PDE1A: variants seen among roughly 807,000 people sequenced by gnomAD.
The protein encoded by PDE1A is dual specificity calcium/calmodulin-dependent 3',5'-cyclic nucleotide phosphodiesterase 1A.
A neutral mutation model predicts 61.7 loss-of-function variants in PDE1A; 35 were observed. The ratio of observed to expected loss-of-function variants is 0.57; its 90% CI spans 0.43 to 0.75. PDE1A has a LOEUF of 0.75. PDE1A is among the 30% of genes least tolerant of loss of function. The pLI is 0.00. For synonymous variants in PDE1A, 232 were observed against 213.2 expected (o/e 1.09, Z -0.77); for missense variants, 597 against 630.6 (o/e 0.95, Z 0.57).
intron 2 of PDE1A, among the ~76,000 whole-genome samples, chr2:182,473,377 CAT>C (rs1687155722): frequency 6.6e-6 from 1 of 151,922 alleles, no homozygotes; most frequent in South Asian, 2.1e-4. Context: ...GCAACCCACT[CAT>C]CTGACAAAGG....
chr2:182,227,519 G>A (rs889607708), intron 6 of PDE1A, among the ~76,000 whole-genome samples: 3 of 152,034 alleles, frequency 2.0e-5, no homozygotes, highest in African/African-American at 7.2e-5. Flanking sequence ...GAAGTTTGCT[G>A]TAAGTTACCA....
rs1701608730 is a variant in PDE1A, at chr2:182,394,749, T to A, written c.53+31829A>T. On this transcript the variant is annotated intron_variant, in intron 1 of 13. Transcript: ENST00000351439. ...CCAGAGCCAGAATGCATAATTGGCATAGACATACTTAGCTGCTGGCTAAAT... is the reference window on the plus strand; with the variant it reads ...CCAGAGCCAGAATGCATAATTGGCAAAGACATACTTAGCTGCTGGCTAAAT... 1.3e-5 allele frequency among the ~76,000 whole-genome samples: 2 copies of A among 152,240 alleles called. 1 individual carries two copies. Among genetic ancestry groups the A allele is most frequent in the South Asian group, 4.1e-4 (2 of 4,830 alleles).
intron 13 of PDE1A, among the ~76,000 whole-genome samples, chr2:182,173,701 C>CTG (rs1357505530): frequency 4.9e-5 from 3 of 61,794 alleles, no homozygotes; most frequent in African/African-American, 2.0e-4. Context: ...CTTTGTTTTC[C>CTG]TCTGATTATT....
At chr2:182,248,023 A>G (rs1691109504) in intron 2 of PDE1A, among the ~76,000 whole-genome samples, 1 of 152,176 alleles carries the variant, frequency 6.6e-6, no homozygotes, top group African/African-American at 2.4e-5. Context: ...GATGACTGGT[A>G]CATTTTCCTT....
intron 2 of PDE1A, among the ~76,000 whole-genome samples, chr2:182,486,185 AAAT>A (rs1338761849): frequency 3.3e-5 from 5 of 152,080 alleles, no homozygotes; most frequent in Admixed American, 6.6e-5. Flanking sequence ...TCAAAAATGA[AAAT>A]AAGAAATTCT....
chr2:182,178,802 AAG>A (rs1684504791), intron 13 of PDE1A, among the ~76,000 whole-genome samples: 1 of 152,086 alleles, frequency 6.6e-6, no homozygotes, highest in Non-Finnish European at 1.5e-5. Flanking sequence ...AGGAGAAGAA[AAG>A]AGAGCAAGCA....
chr2:182,467,819 A>G (rs1200225382), intron 2 of PDE1A, among the ~76,000 whole-genome samples: 1 of 151,982 alleles, frequency 6.6e-6, no homozygotes, highest in Admixed American at 6.6e-5. Context: ...TACCTCAGAA[A>G]CATTGCAGGT....
intron 2 of PDE1A, among the ~76,000 whole-genome samples, chr2:182,450,406 G>C (rs937933823): frequency 6.6e-6 from 1 of 152,056 alleles, no homozygotes; most frequent in African/African-American, 2.4e-5. Context: ...AGAATTCAGG[G>C]CTGGCCAATT....
At chr2:182,634,507 G>A in the PDE1A span, among the ~76,000 whole-genome samples, 3 of 152,150 alleles carry the variant, frequency 2.0e-5, no homozygotes, top group Non-Finnish European at 2.9e-5. Flanking sequence ...GCAACAGCAG[G>A]GGAGTCCTGC....
At position 182,426,823 on chromosome 2, in the gene PDE1A, A is replaced by G; in HGVS notation, c.-193T>C. ...TGAGCAGTGTGTCCATAGAGGCCACATAAGACAGGCACGTTGGGGCACTCC... is the reference window on the plus strand; with the variant it reads ...TGAGCAGTGTGTCCATAGAGGCCACGTAAGACAGGCACGTTGGGGCACTCC... On this transcript the variant is annotated 5_prime_UTR_variant, in exon 1 of 14. It removes an upstream start codon present in the reference 5' UTR. Transcript: ENST00000351439. 2 of 1,405,668 alleles carry G rather than the reference A, an allele frequency of 1.4e-6. No homozygotes were observed. Among genetic ancestry groups the G allele is most frequent in the Admixed American group, 2.9e-5 (1 of 34,116 alleles). 87.1% of individuals were successfully genotyped at this position (1,405,668 alleles called of 1,614,324 possible). A position where few individuals can be genotyped will look rare whatever the true frequency, so the allele number is the denominator to read the frequency against.
chr2:182,368,245 C>T (rs1699942054), intron 1 of PDE1A, among the ~76,000 whole-genome samples: 1 of 151,982 alleles, frequency 6.6e-6, no homozygotes, highest in South Asian at 2.1e-4. Context: ...ATCAACAATT[C>T]CTTAGTATCA....
chr2:182,629,624 G>C, the PDE1A span, among the ~76,000 whole-genome samples: 2 of 152,160 alleles, frequency 1.3e-5, no homozygotes, highest in East Asian at 3.9e-4. Flanking sequence ...CAGTCTTTTT[G>C]ATGGCTACAA....
the PDE1A span, among the ~76,000 whole-genome samples, chr2:182,666,460 T>C: frequency 6.6e-6 from 1 of 151,574 alleles, no homozygotes; most frequent in Non-Finnish European, 1.5e-5. Flanking sequence ...AATACAAAAT[T>C]AGCCGGGTGT....
chr2:182,590,656 G>A, the PDE1A span, among the ~76,000 whole-genome samples: 2 of 152,062 alleles, frequency 1.3e-5, no homozygotes, highest in Non-Finnish European at 2.9e-5. Flanking sequence ...TAAAATAAAA[G>A]CAATGATTGC....
At chr2:182,205,789 G>A in intron 8 of PDE1A, 151 bp downstream of exon 8, 1 of 639,560 alleles carries the variant, frequency 1.6e-6, no homozygotes, top group Middle Eastern at 4.5e-4. Context: ...AAGTCCCTAA[G>A]TACTAATCCT....
upstream of PDE1A, among the ~76,000 whole-genome samples, chr2:182,526,829 T>G (rs1259992543): frequency 6.6e-6 from 1 of 152,134 alleles, no homozygotes; most frequent in African/African-American, 2.4e-5. Context: ...ATAAAACACA[T>G]AGTTAATCAA....
chr2:182,680,722 T>C, the PDE1A span, among the ~76,000 whole-genome samples: 2 of 152,312 alleles, frequency 1.3e-5, no homozygotes, highest in Non-Finnish European at 1.5e-5. Flanking sequence ...AGTTGGGGTT[T>C]AGCCCAGGAA....
the PDE1A span, among the ~76,000 whole-genome samples, chr2:182,692,711 AAAAG>A: frequency 6.7e-6 from 1 of 148,952 alleles, no homozygotes; most frequent in Non-Finnish European, 1.5e-5. Flanking sequence ...TAATATATAT[AAAAG>A]AAAGTTAGGT....
exon 3 of PDE1A, chr2:182,240,228 G>A (rs763837353): frequency 4.3e-6 from 7 of 1,612,914 alleles, no homozygotes; most frequent in South Asian, 1.1e-5. Context: ...AACCAGTCCC[G>A]GACTTCAGAT....
Sources: gnomAD v4.1 joint callset for allele counts (sites outside exome capture counted in the v4.1 genomes callset) on GRCh38, gnomAD v4.1.1 for gene constraint, MANE v1.5 for transcripts, NCBI Gene and HGNC (gene_info 2026-07-23, HGNC 2026-07-21) for gene names.